Variants in LRMDA observed in about 807,000 individuals in gnomAD.
The protein encoded by LRMDA is leucine rich melanocyte differentiation associated.
In LRMDA, 18 loss-of-function variants were observed where a neutral mutation model predicts 29.8. The observed-to-expected ratio is 0.60, with a 90% confidence interval of 0.42 to 0.90. The LOEUF (loss-of-function observed/expected upper bound fraction) is 0.90, where lower values mean the gene tolerates loss of function less well. Ranked by LOEUF, LRMDA falls within the 40% of genes least tolerant of loss-of-function variation. The pLI is 0.00. For synonymous variants in LRMDA, 125 were observed against 109.4 expected (o/e 1.14, Z -0.89); for missense variants, 273 against 273.9 (o/e 1.00, Z 0.02).
Position 75,568,044 on chromosome 10 carries a change from C to G in LRMDA, c.131+129550C>G, listed in dbSNP as rs568658003. On this transcript the variant is annotated intron_variant, in intron 2 of 6. Transcript: ENST00000611255. ...TAGGATATCGTGTTCAATTCTGGGC[C>G]ATACATTTTAATTAGAAAGTAGACA... Among the ~76,000 whole-genome samples, 10 of 152,226 alleles carry G rather than the reference C, an allele frequency of 6.6e-5. 1 individual carries two copies. The highest frequency in any genetic ancestry group is 2.4e-4 in the African/African-American group (10 of 41,536).
chr10:76,348,369 T>A (rs777571817), intron 6 of LRMDA, among the ~76,000 whole-genome samples: 1 of 152,200 alleles, frequency 6.6e-6, no homozygotes, highest in Non-Finnish European at 1.5e-5. Flanking sequence ...ATTAGAAATG[T>A]GCTTCTCAAG....
chr10:75,860,817 C>G (rs947324770), intron 2 of LRMDA, among the ~76,000 whole-genome samples: 1 of 152,164 alleles, frequency 6.6e-6, no homozygotes, highest in African/African-American at 2.4e-5. Flanking sequence ...ATTACTTACC[C>G]TGCCTGTTAT....
intron 5 of LRMDA, among the ~76,000 whole-genome samples, chr10:76,301,398 C>T (rs1185606655): frequency 6.6e-6 from 1 of 152,210 alleles, no homozygotes; most frequent in Non-Finnish European, 1.5e-5. Flanking sequence ...GGTAATGTGA[C>T]AGCAGCTTCT....
intron 2 of LRMDA, among the ~76,000 whole-genome samples, chr10:75,460,883 T>C (rs1844576885): frequency 2.6e-5 from 4 of 152,248 alleles, no homozygotes; most frequent in Admixed American, 2.6e-4. Context: ...CATGCTGTGA[T>C]GAACATCTTT....
At chr10:76,047,438 C>T (rs539139665) in intron 4 of LRMDA, 135 bp downstream of exon 4, 2 of 918,710 alleles carry the variant, frequency 2.2e-6, no homozygotes, top group South Asian at 2.5e-5. Context: ...TAAACTTTTA[C>T]CTTTTGGTAA....
At chr10:75,474,903 G>A (rs1030114634) in intron 2 of LRMDA, among the ~76,000 whole-genome samples, 5 of 152,150 alleles carry the variant, frequency 3.3e-5, no homozygotes, top group Admixed American at 1.3e-4. Flanking sequence ...AACACTTGGC[G>A]CTGGTCTCTT....
intron 2 of LRMDA, among the ~76,000 whole-genome samples, chr10:75,641,978 T>C (rs561944527): frequency 1.3e-5 from 2 of 152,298 alleles, no homozygotes. Flanking sequence ...GAAAGTGTAT[T>C]GTACTCATAA....
intron 5 of LRMDA, among the ~76,000 whole-genome samples, chr10:76,224,322 A>C (rs574923127): frequency 9.2e-5 from 14 of 151,360 alleles, no homozygotes; most frequent in Non-Finnish European, 2.1e-4. Context: ...CTATAATCCC[A>C]GCACTTTTGG....
At chr10:76,091,226 TCCTCTCTTATG>T (rs1361004188) in intron 5 of LRMDA, among the ~76,000 whole-genome samples, 1 of 151,846 alleles carries the variant, frequency 6.6e-6, no homozygotes, top group African/African-American at 2.4e-5. Flanking sequence ...GTTTCAGAAA[TCCTCTCTTATG>T]CCCACCCCAA....
At chr10:76,251,819 C>T (rs1852490202) in intron 5 of LRMDA, among the ~76,000 whole-genome samples, 1 of 152,142 alleles carries the variant, frequency 6.6e-6, no homozygotes. Context: ...AGAAGAAACC[C>T]TGTTTGAAAA....
At chr10:76,449,806 T>C (rs1362080517) in intron 6 of LRMDA, among the ~76,000 whole-genome samples, 6 of 151,984 alleles carry the variant, frequency 3.9e-5, no homozygotes, top group Admixed American at 3.3e-4. Flanking sequence ...GAAATGTAAA[T>C]TATCTGGACT....
At chr10:76,288,427 C>A (rs1454052931) in intron 5 of LRMDA, among the ~76,000 whole-genome samples, 1 of 152,084 alleles carries the variant, frequency 6.6e-6, no homozygotes, top group African/African-American at 2.4e-5. Flanking sequence ...GAAAATGTGG[C>A]ACATACCCAC....
chr10:75,780,704 C>A (rs1330428571), intron 2 of LRMDA, among the ~76,000 whole-genome samples: 1 of 152,168 alleles, frequency 6.6e-6, no homozygotes, highest in Non-Finnish European at 1.5e-5. Flanking sequence ...CCAGTGGGGT[C>A]TCATTGCCCC....
chr10:76,167,371 G>A (rs533833896), intron 5 of LRMDA, among the ~76,000 whole-genome samples: 10 of 152,256 alleles, frequency 6.6e-5, no homozygotes, highest in African/African-American at 2.4e-4. Flanking sequence ...TCTTTGTCAT[G>A]AAATCTTTGC....
chr10:76,142,113 G>A (rs992341657), intron 5 of LRMDA, among the ~76,000 whole-genome samples: 12 of 151,798 alleles, frequency 7.9e-5, no homozygotes, highest in Non-Finnish European at 5.9e-5. Flanking sequence ...CTACCTCAAG[G>A]TCAATACTGG....
chr10:75,661,333 C>T (rs1054741024), intron 2 of LRMDA, among the ~76,000 whole-genome samples: 17 of 152,300 alleles, frequency 1.1e-4, no homozygotes, highest in Non-Finnish European at 1.9e-4. Flanking sequence ...TATTTCTTGC[C>T]GTGAGTGGGA....
At chr10:75,790,243 C>A (rs1313676319) in intron 2 of LRMDA, among the ~76,000 whole-genome samples, 1 of 152,134 alleles carries the variant, frequency 6.6e-6, no homozygotes, top group Non-Finnish European at 1.5e-5. Flanking sequence ...TGGCCTTCCT[C>A]AAGTTATGAT....
intron 2 of LRMDA, among the ~76,000 whole-genome samples, chr10:75,793,076 A>G (rs1843596041): frequency 6.6e-6 from 1 of 152,234 alleles, no homozygotes; most frequent in African/African-American, 2.4e-5. Flanking sequence ...TATTCCACAC[A>G]GGGAAAACCA....
intron 2 of LRMDA, among the ~76,000 whole-genome samples, chr10:75,669,349 G>A (rs1258838600): frequency 6.6e-6 from 1 of 152,124 alleles, no homozygotes; most frequent in Non-Finnish European, 1.5e-5. Context: ...GGGATTGTGA[G>A]AGTCCCCTTG....
Sources: gnomAD v4.1 joint callset for allele counts (sites outside exome capture counted in the v4.1 genomes callset) on GRCh38, gnomAD v4.1.1 for gene constraint, MANE v1.5 for transcripts, NCBI Gene and HGNC (gene_info 2026-07-23, HGNC 2026-07-21) for gene names.